Variants in RBPJ observed in about 807,000 individuals in gnomAD.
The protein encoded by RBPJ is recombining binding protein suppressor of hairless.
Under a neutral mutation model 67.8 loss-of-function variants are expected in RBPJ, and 9 were observed. That is an observed-to-expected ratio of 0.13 (90% CI 0.08 to 0.23). The LOEUF (loss-of-function observed/expected upper bound fraction) is 0.23. Ranked by LOEUF, RBPJ falls within the 10% of genes least tolerant of loss-of-function variation. RBPJ has a pLI of 1.00. For missense variants in RBPJ, 305 were observed against 595.6 expected, an observed-to-expected ratio of 0.51 and a Z score of 5.08; for synonymous variants, 198 against 203.3, an observed-to-expected ratio of 0.97 and a Z score of 0.22.
At chr4:26,299,725 C>G (rs1479044123) in intron 1 of RBPJ, among the ~76,000 whole-genome samples, 1 of 122,746 alleles carries the variant, frequency 8.1e-6, no homozygotes, top group African/African-American at 3.1e-5. Flanking sequence ...GTTGCCTAGG[C>G]TGGAGTGAAA....
At chr4:26,329,811 A>G (rs7694707) in intron 1 of RBPJ, among the ~76,000 whole-genome samples, 100,098 of 151,600 alleles carry the variant, frequency 0.66, 33,318 homozygotes, top group African/African-American at 0.73. Context: ...GGAGAATGGC[A>G]TGAACCCGGG....
the RBPJ span, among the ~76,000 whole-genome samples, chr4:26,133,368 G>A: frequency 6.6e-6 from 1 of 152,162 alleles, no homozygotes. Context: ...GAGCTCAGGA[G>A]CTCAAGACCA....
intron 1 of RBPJ, among the ~76,000 whole-genome samples, chr4:26,167,090 C>G (rs541058663): frequency 2.0e-5 from 3 of 151,982 alleles, no homozygotes; most frequent in African/African-American, 7.3e-5. Flanking sequence ...TGTTTTGGTA[C>G]CAGTACCATG....
At chr4:26,268,403 G>T (rs1720776076) in intron 1 of RBPJ, among the ~76,000 whole-genome samples, 1 of 152,084 alleles carries the variant, frequency 6.6e-6, no homozygotes, top group Admixed American at 6.6e-5. Context: ...ATGCCCTTAG[G>T]GAAGATACAG....
rs1731262016 is a variant in RBPJ, at chr4:26,389,373, T to G, written c.59+2982T>G. 2.0e-5 allele frequency among the ~76,000 whole-genome samples: 3 copies of G among 149,050 alleles called. No individual in the cohort carries two copies. The South Asian group carries it at 6.5e-4, about 32-fold the overall frequency. On this transcript the variant is annotated intron_variant, in intron 2 of 10. Coordinates refer to ENST00000355476, the MANE Select transcript of RBPJ (RefSeq NM_015874.6). Reference sequence around the variant, plus strand: ...GGAACAAAGAGAGGATGACAGCAGGTTTTTCATCTGAAACCTTGCTGTGGA... The same window carrying G: ...GGAACAAAGAGAGGATGACAGCAGGGTTTTCATCTGAAACCTTGCTGTGGA...
the RBPJ span, among the ~76,000 whole-genome samples, chr4:26,148,352 G>A: frequency 3.3e-5 from 5 of 152,202 alleles, no homozygotes; most frequent in Non-Finnish European, 7.3e-5. Flanking sequence ...GGTGTGTTTC[G>A]GAGAGGTCAG....
At chr4:26,123,699 A>AT in the RBPJ span, among the ~76,000 whole-genome samples, 1 of 152,232 alleles carries the variant, frequency 6.6e-6, no homozygotes, top group Admixed American at 6.5e-5. Flanking sequence ...TATTTTTAAC[A>AT]TTTTTATTTC....
chr4:26,231,354 T>C (rs941706589), intron 1 of RBPJ, among the ~76,000 whole-genome samples: 1 of 152,160 alleles, frequency 6.6e-6, no homozygotes, highest in Non-Finnish European at 1.5e-5. Context: ...CTAGAACATA[T>C]GATCCAAAAG....
Position 26,288,106 on chromosome 4 carries a change from A to G in RBPJ, c.-166-74340A>G, listed in dbSNP as rs141508254. Among the ~76,000 whole-genome samples the G allele has an allele frequency of 1.6e-3, 250 of 152,334 alleles. 3 individuals carry two copies. The highest frequency in any genetic ancestry group is 5.5e-3 in the African/African-American group (227 of 41,572). The stretch of plus-strand genomic sequence containing the variant: ...TCTCCAAAAGGATGGGTAGATAACT[A>G]CAGACATTTTTAATTACATATCACT... On this transcript the variant is annotated intron_variant, in intron 1 of 4. Coordinates refer to the RBPJ transcript ENST00000512351.
At chr4:26,360,068 G>A (rs1057482716) in intron 1 of RBPJ, among the ~76,000 whole-genome samples, 4 of 151,956 alleles carry the variant, frequency 2.6e-5, no homozygotes, top group African/African-American at 9.7e-5. Context: ...CCTTGATACT[G>A]GCATCACAGT....
intron 1 of RBPJ, among the ~76,000 whole-genome samples, chr4:26,286,619 C>G (rs1721476350): frequency 6.6e-6 from 1 of 151,974 alleles, no homozygotes; most frequent in Non-Finnish European, 1.5e-5. Context: ...ACATCCCATT[C>G]TTACCAGATT....
intron 3 of RBPJ, chr4:26,412,814 C>T (rs577146177): frequency 1.3e-5 from 2 of 152,236 alleles, no homozygotes; most frequent in East Asian, 1.9e-4. Flanking sequence ...GACTCTGTGC[C>T]ATAGTAAGCA....
chr4:26,385,525 G>A (rs1730822198), intron 1 of RBPJ, among the ~76,000 whole-genome samples: 1 of 152,124 alleles, frequency 6.6e-6, no homozygotes, highest in African/African-American at 2.4e-5. Context: ...CTGCCATGTT[G>A]TACTCCAGTT....
intron 1 of RBPJ, among the ~76,000 whole-genome samples, chr4:26,244,294 CAT>C (rs1719801643): frequency 7.2e-6 from 1 of 138,790 alleles, no homozygotes. Context: ...TATGTATACA[CAT>C]ATGTGTACAC....
intron 1 of RBPJ, chr4:26,322,244 C>A (rs1329356697): frequency 6.6e-6 from 1 of 152,092 alleles, no homozygotes; most frequent in East Asian, 1.9e-4. Context: ...ATGTGTTTTT[C>A]TGTTAGTGTT....
intron 1 of RBPJ, among the ~76,000 whole-genome samples, chr4:26,324,234 AG>A (rs1041101426): frequency 1.3e-5 from 2 of 152,184 alleles, no homozygotes; most frequent in African/African-American, 4.8e-5. Context: ...GTCAAATAGG[AG>A]GTTTTTAAGT....
intron 1 of RBPJ, among the ~76,000 whole-genome samples, chr4:26,353,429 G>A (rs577856149): frequency 6.6e-6 from 1 of 152,252 alleles, no homozygotes; most frequent in Admixed American, 6.5e-5. Context: ...GTCTCTTCCT[G>A]CAAGTTACTT....
the RBPJ span, among the ~76,000 whole-genome samples, chr4:26,130,719 C>T: frequency 7.2e-5 from 11 of 152,248 alleles, no homozygotes; most frequent in African/African-American, 2.2e-4. Flanking sequence ...CCTTTACCAC[C>T]GTCACTCTGT....
chr4:26,373,146 T>C (rs1000039268), intron 1 of RBPJ, among the ~76,000 whole-genome samples: 1 of 152,256 alleles, frequency 6.6e-6, no homozygotes, highest in Non-Finnish European at 1.5e-5. Flanking sequence ...AGGCATTTCC[T>C]TTTTCATGTA....
Sources: gnomAD v4.1 joint callset for allele counts (sites outside exome capture counted in the v4.1 genomes callset) on GRCh38, gnomAD v4.1.1 for gene constraint, MANE v1.5 for transcripts, NCBI Gene and HGNC (gene_info 2026-07-23, HGNC 2026-07-21) for gene names.